The following PARD3B variants were observed in gnomAD, a reference collection of about 807,000 sequenced individuals.
PARD3B encodes partitioning defective 3 homolog B.
Under a neutral mutation model 130.2 loss-of-function variants are expected in PARD3B, and 103 were observed. The ratio of observed to expected loss-of-function variants is 0.79; its 90% CI spans 0.67 to 0.93. PARD3B has a LOEUF of 0.93. Ranked by LOEUF, PARD3B falls within the 40% of genes least tolerant of loss-of-function variation. The pLI, the probability that PARD3B is intolerant of heterozygous loss-of-function variation, is 0.00. For synonymous variants in PARD3B, 583 were observed against 553.2 expected (o/e 1.05, Z -0.76); for missense variants, 1,609 against 1,499.2 (o/e 1.07, Z -1.21).
chr2:205,383,133 T>TAGATAGATAGAG (rs2045536644), intron 18 of PARD3B, among the ~76,000 whole-genome samples: 1 of 115,544 alleles, frequency 8.7e-6, no homozygotes, highest in Non-Finnish European at 2.0e-5. Context: ...GATAGATAGA[T>TAGATAGATAGAG]AGATAGATCG....
chr2:205,121,834 C>CA lies in PARD3B; in HGVS notation c.1052dup (p.Ser352GlufsTer26). ...ATGCATCAGCTTCCCTGCAACAAAA[C>CA]AAGAGTCCCCGAGTACCAAGGCTGG... On this transcript the variant is annotated frameshift_variant, in exon 8 of 23. Coordinates refer to ENST00000406610, the MANE Select transcript of PARD3B (RefSeq NM_001302769.2). LOFTEE classifies it high-confidence loss of function. The surrounding 1 kb of genome is among the most constrained non-coding windows in gnomAD (Gnocchi z 5.0). 6.2e-7 allele frequency: 1 copy of CA among 1,614,156 alleles called. No homozygotes were observed. The highest frequency in any genetic ancestry group is 1.1e-5 in the South Asian group (1 of 91,080).
rs555368459 is a variant in PARD3B at position 204,913,018 on chromosome 2, C to T, written c.223-52134C>T. Among the ~76,000 whole-genome samples the T allele has an allele frequency of 9.9e-5, 15 of 152,200 alleles. 1 individual carries two copies. The highest frequency in any genetic ancestry group is 5.8e-4 in the East Asian group (3 of 5,182). On this transcript the variant is annotated intron_variant, in intron 2 of 22. Coordinates refer to ENST00000406610, the MANE Select transcript of PARD3B (RefSeq NM_001302769.2). ...TAATTTAGCCTACAGATAAAATGAA[C>T]GTCATATGTTTATAAAATGAATTTT... is the stretch of plus-strand genomic sequence containing the variant.
chr2:204,668,872 A>T (rs2036148982), intron 1 of PARD3B, among the ~76,000 whole-genome samples: 1 of 152,174 alleles, frequency 6.6e-6, no homozygotes, highest in Admixed American at 6.5e-5. Flanking sequence ...GTGTAATCAC[A>T]GGGGTCTTTA....
chr2:204,734,627 C>A (rs1198412902), intron 2 of PARD3B, among the ~76,000 whole-genome samples: 1 of 152,086 alleles, frequency 6.6e-6, no homozygotes, highest in Non-Finnish European at 1.5e-5. Context: ...AAGTGTTTCA[C>A]AAAGTGAAAG....
intron 21 of PARD3B, among the ~76,000 whole-genome samples, chr2:205,507,750 G>T (rs2050429596): frequency 1.3e-5 from 2 of 152,138 alleles, no homozygotes; most frequent in South Asian, 4.1e-4. Flanking sequence ...AGATTTCCAG[G>T]GAAAGAGAAA....
At chr2:204,786,243 A>G (rs2042007179) in intron 2 of PARD3B, among the ~76,000 whole-genome samples, 1 of 152,280 alleles carries the variant, frequency 6.6e-6, no homozygotes, top group Admixed American at 6.5e-5. Context: ...ATGGTATAGG[A>G]TAACAGGCAC....
In PARD3B at chr2:205,542,868, GA is replaced by G. The variant is rs2052220353; in HGVS notation, c.3181-10452del. Among the ~76,000 whole-genome samples, 4 of 152,262 alleles carry G rather than the reference GA, an allele frequency of 2.6e-5. No homozygotes were observed. In the South Asian group the frequency reaches 8.3e-4, roughly 32 times the overall value. On this transcript the variant is annotated intron_variant, in intron 21 of 22. Coordinates refer to ENST00000406610, the MANE Select transcript of PARD3B (RefSeq NM_001302769.2). Reference sequence around the variant, plus strand: ...TTATTTTTTATTTTGTAAGGAATATGAAAAGCCAGGACTGTGTAAACAAAAG... The same window carrying G: ...TTATTTTTTATTTTGTAAGGAATATGAAAGCCAGGACTGTGTAAACAAAAG...
intron 15 of PARD3B, among the ~76,000 whole-genome samples, chr2:205,218,895 C>T (rs944739796): frequency 6.6e-6 from 1 of 152,118 alleles, no homozygotes; most frequent in African/African-American, 2.4e-5. Flanking sequence ...GCCTGCCCAA[C>T]ATGGTGAAAC....
intron 1 of PARD3B, among the ~76,000 whole-genome samples, chr2:204,550,506 G>A (rs890417915): frequency 1.3e-5 from 2 of 151,710 alleles, no homozygotes; most frequent in South Asian, 4.2e-4. Context: ...AGGATGTATA[G>A]TGTGTTCTGG....
Position 205,078,612 on chromosome 2 carries a change from G to A in PARD3B, c.505-25814G>A, listed in dbSNP as rs73057147. ...GGTAAGTGTGGAGATTGTCAAACAT[G>A]TTAATAAAATATTTGACACTGTTTC... is the stretch of plus-strand genomic sequence containing the variant. On this transcript the variant is annotated intron_variant, in intron 4 of 22. Transcript: ENST00000406610. This position sits in a 1 kb window ranked among gnomAD's most constrained non-coding sequence, Gnocchi z 4.0. 0.016 allele frequency among the ~76,000 whole-genome samples: 2,454 copies of A among 152,228 alleles called. 57 individuals are homozygous for A. Among genetic ancestry groups the A allele is most frequent in the African/African-American group, 0.054 (2,231 of 41,544 alleles).
intron 16 of PARD3B, among the ~76,000 whole-genome samples, chr2:205,267,747 G>A (rs2040566563): frequency 6.6e-6 from 1 of 152,030 alleles, no homozygotes; most frequent in African/African-American, 2.4e-5. Flanking sequence ...GCAGATAGAG[G>A]GGTGAAGATA....
intron 20 of PARD3B, among the ~76,000 whole-genome samples, chr2:205,497,447 T>TA (rs1491264051): frequency 1.4e-5 from 2 of 145,482 alleles, no homozygotes; most frequent in Non-Finnish European, 3.0e-5. Context: ...TTTTTTTTTT[T>TA]GTAATTTACA....
At chr2:204,739,969 T>C (rs897753485) in intron 2 of PARD3B, among the ~76,000 whole-genome samples, 1 of 151,910 alleles carries the variant, frequency 6.6e-6, no homozygotes, top group Non-Finnish European at 1.5e-5. Flanking sequence ...TCAAAGATAT[T>C]CCCTAAACTT....
intron 2 of PARD3B, among the ~76,000 whole-genome samples, chr2:204,902,993 A>C (rs2046922032): frequency 6.6e-6 from 1 of 152,212 alleles, no homozygotes; most frequent in East Asian, 1.9e-4. Context: ...GGCTGTAGCA[A>C]GAGTTTCAGA....
intron 1 of PARD3B, among the ~76,000 whole-genome samples, chr2:204,634,658 T>C (rs994582946): frequency 2.1e-4 from 32 of 152,226 alleles, no homozygotes; most frequent in African/African-American, 7.7e-4. Context: ...ATTTTTTTTC[T>C]GTTCTACATA....
chr2:204,557,140 C>T (rs1184060952), intron 1 of PARD3B, among the ~76,000 whole-genome samples: 1 of 152,046 alleles, frequency 6.6e-6, no homozygotes, highest in Non-Finnish European at 1.5e-5. Flanking sequence ...TGGCCTCGTC[C>T]TCCATGGGAT....
In PARD3B at chr2:205,120,195, A is replaced by G. The variant is rs116634956; in HGVS notation, c.806+1149A>G. Among the ~76,000 whole-genome samples the G allele has an allele frequency of 9.2e-3, 1,395 of 152,326 alleles. 15 individuals carry two copies. Among genetic ancestry groups the G allele is most frequent in the African/African-American group, 0.032 (1,350 of 41,574 alleles). ...AAACTATAGTTAGTAATAATTTTTA[A>G]TATACTACTGTGCTTTTTCACAAGG... is the stretch of plus-strand genomic sequence containing the variant. On this transcript the variant is annotated intron_variant, in intron 7 of 22. Transcript: ENST00000406610.
At chr2:205,024,059 A>G (rs568820274) in intron 3 of PARD3B, among the ~76,000 whole-genome samples, 1 of 152,054 alleles carries the variant, frequency 6.6e-6, no homozygotes, top group African/African-American at 2.4e-5. Context: ...TTCTGTGAAT[A>G]TAAACAAACA....
At chr2:204,549,644 A>G (rs1490154696) in intron 1 of PARD3B, among the ~76,000 whole-genome samples, 1 of 152,190 alleles carries the variant, frequency 6.6e-6, no homozygotes, top group East Asian at 1.9e-4. Context: ...GAGAATCACT[A>G]ATCTACTCTA....
Sources: gnomAD v4.1 joint callset for allele counts (sites outside exome capture counted in the v4.1 genomes callset) on GRCh38, gnomAD v4.1.1 for gene constraint, Gnocchi (gnomAD v3.1) non-coding constraint, MANE v1.5 for transcripts, NCBI Gene and HGNC (gene_info 2026-07-23, HGNC 2026-07-21) for gene names.